The following VAT1L variants were observed in gnomAD, a reference collection of about 807,000 sequenced individuals.
VAT1L encodes putative NADPH-dependent quinone oxidoreductase VAT1L.
In VAT1L, 34 loss-of-function variants were observed where a neutral mutation model predicts 44.1. The observed-to-expected ratio is 0.77, with a 90% CI of 0.59 to 1.03. The LOEUF is 1.03. Among genes scored for constraint, VAT1L ranks in the 50% least tolerant of loss-of-function variants. The pLI is 0.00. For synonymous variants in VAT1L, 253 were observed against 202.2 expected, an observed-to-expected ratio of 1.25 and a Z score of -2.13; for missense variants, 615 against 538.8, an observed-to-expected ratio of 1.14 and a Z score of -1.40.
At chr16:77,838,328 G>A (rs972055241) in intron 3 of VAT1L, among the ~76,000 whole-genome samples, 4 of 152,176 alleles carry the variant, frequency 2.6e-5, no homozygotes, top group Non-Finnish European at 5.9e-5. Flanking sequence ...AAAGGGAGGT[G>A]TGTAGCAAGA....
intron 8 of VAT1L, among the ~76,000 whole-genome samples, chr16:77,977,017 C>G (rs2018348131): frequency 6.6e-6 from 1 of 152,172 alleles, no homozygotes; most frequent in South Asian, 2.1e-4. Flanking sequence ...CTCTCAATAC[C>G]CCTCACACCT....
chr16:77,861,679 G>T (rs757434282), intron 3 of VAT1L, among the ~76,000 whole-genome samples: 1 of 152,216 alleles, frequency 6.6e-6, no homozygotes, highest in Non-Finnish European at 1.5e-5. Flanking sequence ...GCCGAAGGTT[G>T]CTTAGGACTT....
At chr16:77,954,047 C>T (rs959066125) in intron 7 of VAT1L, among the ~76,000 whole-genome samples, 10 of 152,140 alleles carry the variant, frequency 6.6e-5, no homozygotes, top group Non-Finnish European at 1.2e-4. Context: ...CACTGAGATT[C>T]GTCCCTGAAA....
At chr16:77,833,148 G>A (rs1011755164) in intron 3 of VAT1L, among the ~76,000 whole-genome samples, 5 of 152,302 alleles carry the variant, frequency 3.3e-5, no homozygotes, top group South Asian at 2.1e-4. Flanking sequence ...TGCAGTGAGG[G>A]CCTACTCTGT....
Position 77,979,408 on chromosome 16 carries a change from G to A in VAT1L, c.*1713G>A, listed in dbSNP as rs1363886701. ...CTGGGTCATTTAGAGAGATAATGGG[G>A]CGTTTATTCCCCTATTACCTTTGCT... On this transcript the variant is annotated 3_prime_UTR_variant, in exon 9 of 9. Transcript: ENST00000302536. 1 of 152,106 alleles carries A rather than the reference G, an allele frequency of 6.6e-6. No individual in the cohort carries two copies. Among genetic ancestry groups the A allele is most frequent in the Non-Finnish European group, 1.5e-5 (1 of 68,034 alleles). The allele number at this position is 152,106 out of a possible 1,614,324, so 9.4% of individuals were successfully genotyped here. A position where few individuals can be genotyped will look rare whatever the true frequency, so the allele number is the denominator to read the frequency against.
chr16:77,825,485 T>G (rs762251623), intron 3 of VAT1L, 24 bp downstream of exon 3: 2 of 1,556,234 alleles, frequency 1.3e-6, no homozygotes, highest in Non-Finnish European at 1.7e-6. Flanking sequence ...TTGTAACTTC[T>G]CTTCTTTAAG....
At chr16:77,930,552 C>T (rs1380175156) in intron 7 of VAT1L, among the ~76,000 whole-genome samples, 1 of 152,202 alleles carries the variant, frequency 6.6e-6, no homozygotes, top group Admixed American at 6.5e-5. Context: ...ACTCAACGTT[C>T]TTGACAGGTT....
chr16:77,843,714 G>T (rs2016730298), intron 3 of VAT1L, among the ~76,000 whole-genome samples: 1 of 152,346 alleles, frequency 6.6e-6, no homozygotes, highest in South Asian at 2.1e-4. Flanking sequence ...GGGCCAAACA[G>T]AGGCCAGTCT....
At chr16:77,831,982 A>ATTTTTTT (rs151275500) in intron 3 of VAT1L, among the ~76,000 whole-genome samples, 9 of 125,986 alleles carry the variant, frequency 7.1e-5, no homozygotes, top group African/African-American at 9.1e-5. Flanking sequence ...TGCCCGGCTA[A>ATTTTTTT]TTTTTTTTTT....
intron 7 of VAT1L, among the ~76,000 whole-genome samples, chr16:77,959,174 T>C (rs1486844209): frequency 1.3e-5 from 2 of 152,152 alleles, no homozygotes; most frequent in Admixed American, 6.5e-5. Context: ...AGACCCAACA[T>C]GCAGCTGCTC....
chr16:77,916,669 T>C (rs1567507695), intron 7 of VAT1L, among the ~76,000 whole-genome samples: 1 of 152,194 alleles, frequency 6.6e-6, no homozygotes, highest in Non-Finnish European at 1.5e-5. Context: ...TATTTTGTTA[T>C]TTTTATCACC....
intron 7 of VAT1L, among the ~76,000 whole-genome samples, chr16:77,944,120 T>G (rs553423624): frequency 6.6e-6 from 1 of 152,210 alleles, no homozygotes; most frequent in African/African-American, 2.4e-5. Context: ...AAAGTATGAC[T>G]GGGATCTAGT....
chr16:77,939,182 G>A (rs1034378609), intron 7 of VAT1L, among the ~76,000 whole-genome samples: 1 of 152,192 alleles, frequency 6.6e-6, no homozygotes, highest in Non-Finnish European at 1.5e-5. Context: ...GGCTAACTCT[G>A]GGAAAATGCT....
Position 77,900,749 on chromosome 16 carries a change from C to T in VAT1L, c.1077+15947C>T, listed in dbSNP as rs535224797. Among the ~76,000 whole-genome samples, 11 of 151,710 alleles carry T rather than the reference C, an allele frequency of 7.3e-5. No individual in the cohort carries two copies. The East Asian group carries it at 2.1e-3, about 29-fold the overall frequency. On this transcript the variant is annotated intron_variant, in intron 7 of 8. Transcript: ENST00000302536. ...GGCAAAAATATTGCCCATAATTGTG[C>T]CACCCTAAACAAAACCATTGTTATT...
At chr16:77,821,525 T>C (rs1261960267) in intron 2 of VAT1L, among the ~76,000 whole-genome samples, 2 of 152,080 alleles carry the variant, frequency 1.3e-5, no homozygotes, top group Admixed American at 1.3e-4. Flanking sequence ...ACCCCTGACC[T>C]CAAGTAATCT....
chr16:77,967,664 G>A (rs1197754301), intron 7 of VAT1L, among the ~76,000 whole-genome samples: 1 of 152,132 alleles, frequency 6.6e-6, no homozygotes, highest in Non-Finnish European at 1.5e-5. Flanking sequence ...GCCCTGCAGG[G>A]AGCTTTTTCT....
In VAT1L at chr16:77,956,681, C is replaced by G. The variant is rs142161933; in HGVS notation, c.1078-15169C>G. On this transcript the variant is annotated intron_variant, in intron 7 of 8. Coordinates refer to ENST00000302536, the MANE Select transcript of VAT1L (RefSeq NM_020927.3). ...AGAGCCTATAGTTTGCTCCTCCTAT[C>G]CTTCCTCGTGGGAGGATCCAATATA... 2.1e-3 allele frequency among the ~76,000 whole-genome samples: 318 copies of G among 152,320 alleles called. 2 individuals carry two copies. The highest frequency in any genetic ancestry group is 7.1e-3 in the African/African-American group (294 of 41,562).
intron 2 of VAT1L, among the ~76,000 whole-genome samples, chr16:77,818,274 A>G (rs1239696200): frequency 6.6e-6 from 1 of 152,226 alleles, no homozygotes; most frequent in Non-Finnish European, 1.5e-5. Context: ...TGAAAAGATC[A>G]ATATGCTCCA....
chr16:77,791,238 G>A (rs951084040), intron 1 of VAT1L, among the ~76,000 whole-genome samples: 2 of 152,142 alleles, frequency 1.3e-5, no homozygotes, highest in Non-Finnish European at 2.9e-5. Context: ...TGAATCAGCC[G>A]ATGGCTTCCT....
Sources: allele counts gnomAD v4.1 joint callset (sites outside exome capture counted in the v4.1 genomes callset), GRCh38; gene constraint gnomAD v4.1.1; transcripts MANE v1.5; gene names NCBI Gene and HGNC (gene_info 2026-07-23, HGNC 2026-07-21).